ARG2: variants seen among roughly 807,000 people sequenced by gnomAD.
ARG2 encodes arginase-2, mitochondrial.
A neutral mutation model predicts 39.4 loss-of-function variants in ARG2; 21 were observed. The observed-to-expected ratio is 0.53, with a 90% CI of 0.38 to 0.77. The LOEUF (loss-of-function observed/expected upper bound fraction) is 0.77, where lower values mean the gene tolerates loss of function less well. Ranked by LOEUF, ARG2 falls within the 30% of genes least tolerant of loss-of-function variation. The pLI, the probability that ARG2 is intolerant of heterozygous loss-of-function variation, is 0.00. For missense variants in ARG2, 378 were observed against 426.2 expected, an observed-to-expected ratio of 0.89 and a Z score of 1.00; for synonymous variants, 150 against 156.7, an observed-to-expected ratio of 0.96 and a Z score of 0.32.
chr14:67,642,451 G>A (rs2037043853), intron 3 of ARG2, 88 bp downstream of exon 3: 6 of 1,430,784 alleles, frequency 4.2e-6, no homozygotes, highest in Non-Finnish European at 5.7e-6. Flanking sequence ...TCTTCATCTG[G>A]AGAAAAATAC....
chr14:67,627,570 G>T (rs535076318), intron 2 of ARG2, among the ~76,000 whole-genome samples: 1 of 152,260 alleles, frequency 6.6e-6, no homozygotes, highest in Non-Finnish European at 1.5e-5. Flanking sequence ...GCAAATATCA[G>T]TGATGTTTCT....
intron 2 of ARG2, among the ~76,000 whole-genome samples, chr14:67,632,968 C>G (rs1391605262): frequency 6.6e-6 from 1 of 151,520 alleles, no homozygotes; most frequent in East Asian, 1.9e-4. Flanking sequence ...CTACAGGCGC[C>G]CGCCACCACG....
At chr14:67,646,434 GA>G in intron 4 of ARG2, 1 of 528,762 alleles carries the variant, frequency 1.9e-6, no homozygotes, top group Non-Finnish European at 3.4e-6. Flanking sequence ...TTCGTCTTGA[GA>G]AAGCAATACT....
intron 4 of ARG2, among the ~76,000 whole-genome samples, chr14:67,646,254 G>T (rs1274991647): frequency 1.3e-5 from 2 of 152,190 alleles, no homozygotes; most frequent in Non-Finnish European, 2.9e-5. Context: ...TATTCATTGG[G>T]CGGAAGTCCT....
At chr14:67,646,039 C>T (rs897532514) in intron 4 of ARG2, among the ~76,000 whole-genome samples, 4 of 152,156 alleles carry the variant, frequency 2.6e-5, no homozygotes, top group African/African-American at 9.7e-5. Flanking sequence ...GACTGATATA[C>T]CCACAGCCTG....
At chr14:67,637,346 G>A (rs1047805765) in intron 2 of ARG2, among the ~76,000 whole-genome samples, 2 of 146,178 alleles carry the variant, frequency 1.4e-5, no homozygotes, top group African/African-American at 5.0e-5. Context: ...GGGAGGTGGA[G>A]GTTGCAGTGA....
chr14:67,650,274 G>A, intron 7 of ARG2: 1 of 216,900 alleles, frequency 4.6e-6, no homozygotes, highest in East Asian at 1.1e-4. Flanking sequence ...AAGTGGGAAT[G>A]CAGTTTGGCT....
intron 7 of ARG2, chr14:67,649,543 A>G (rs1004348414): frequency 3.3e-5 from 5 of 152,148 alleles, no homozygotes; most frequent in African/African-American, 9.7e-5. Flanking sequence ...AACTTTGATG[A>G]CCACTTCTGG....
intron 2 of ARG2, among the ~76,000 whole-genome samples, chr14:67,627,896 CTTGT>C (rs1376308237): frequency 1.3e-5 from 2 of 152,182 alleles, no homozygotes; most frequent in Non-Finnish European, 2.9e-5. Context: ...TTGGAATGAG[CTTGT>C]TTGTTTAAGG....
intron 2 of ARG2, among the ~76,000 whole-genome samples, chr14:67,621,550 G>A (rs139754536): frequency 0.034 from 5,097 of 151,632 alleles, 248 homozygotes; most frequent in African/African-American, 0.11. Flanking sequence ...CCACCTTCTG[G>A]GTTCAAGCAA....
At chr14:67,630,496 C>A (rs771926619) in intron 2 of ARG2, among the ~76,000 whole-genome samples, 1 of 152,198 alleles carries the variant, frequency 6.6e-6, no homozygotes, top group African/African-American at 2.4e-5. Flanking sequence ...CTGCGGGACA[C>A]GGTTCTGCTT....
chr14:67,625,747 A>G (rs1244484459), intron 2 of ARG2, among the ~76,000 whole-genome samples: 2 of 150,476 alleles, frequency 1.3e-5, no homozygotes, highest in East Asian at 2.2e-4. Flanking sequence ...AAAAAAAAAA[A>G]AGAGAAAAGG....
chr14:67,638,639 G>C (rs1319234123), intron 2 of ARG2, among the ~76,000 whole-genome samples: 1 of 152,068 alleles, frequency 6.6e-6, no homozygotes, highest in Non-Finnish European at 1.5e-5. Flanking sequence ...CGTTCTTCCT[G>C]AATATTCTAG....
Position 67,646,753 on chromosome 14 carries a change from T to A in ARG2, c.617+15T>A. 5 of 1,597,182 alleles carry A rather than the reference T, an allele frequency of 3.1e-6. No individual in the cohort carries two copies. The highest frequency in any genetic ancestry group is 4.3e-6 in the Non-Finnish European group (5 of 1,164,980). The stretch of plus-strand genomic sequence containing the variant: ...CCTCCTGAACAGTAAGTTGATGCAT[T>A]TGGCTGAAGTTTAGGGCCTGTCCTA... On this transcript the variant is annotated intron_variant, in intron 5 of 7. Coordinates refer to ENST00000261783, the MANE Select transcript of ARG2 (RefSeq NM_001172.4).
At chr14:67,622,178 C>G (rs2036817616) in intron 2 of ARG2, among the ~76,000 whole-genome samples, 1 of 152,206 alleles carries the variant, frequency 6.6e-6, no homozygotes, top group South Asian at 2.1e-4. Context: ...GCCATTTGCT[C>G]TGTTCATGTT....
chr14:67,622,089 C>CAAAT (rs894717173), intron 2 of ARG2, among the ~76,000 whole-genome samples: 5 of 152,068 alleles, frequency 3.3e-5, no homozygotes, highest in South Asian at 4.1e-4. Flanking sequence ...GACTCCATCT[C>CAAAT]AAATAAATAA....
chr14:67,637,958 G>A (rs1381328523), intron 2 of ARG2, among the ~76,000 whole-genome samples: 1 of 152,164 alleles, frequency 6.6e-6, no homozygotes, highest in Non-Finnish European at 1.5e-5. Context: ...GAGGAGGTGT[G>A]CTTTCTCAAT....
rs747132941 is a variant in ARG2, at chr14:67,620,022, G to A, written c.45G>A (p.Val15=). The A allele has an allele frequency of 6.8e-5, 109 of 1,611,894 alleles. No homozygotes were observed. The East Asian group carries it at 1.4e-3, about 21-fold the overall frequency. Reference sequence around the variant, plus strand: ...TCTCGCGTCTCCTCCAGACGCGAGTGCATTCCATCCTGAAGAAATCCGTCC... The same window carrying A: ...TCTCGCGTCTCCTCCAGACGCGAGTACATTCCATCCTGAAGAAATCCGTCC... ...GSLSRLLQTR[V]HSILKKSVHS... is the part of the protein sequence containing the mutation. Residue 15 remains valine, a synonymous_variant, in exon 1 of 8, where the codon GTG becomes GTA. Transcript: ENST00000261783.
intron 3 of ARG2, among the ~76,000 whole-genome samples, chr14:67,642,628 T>C (rs1025414441): frequency 2.0e-5 from 3 of 152,112 alleles, no homozygotes; most frequent in Admixed American, 2.0e-4. Flanking sequence ...GCAAGGTTCC[T>C]AGGCACTGTG....
Sources: gnomAD v4.1 joint callset for allele counts (sites outside exome capture counted in the v4.1 genomes callset) on GRCh38, gnomAD v4.1.1 for gene constraint, MANE v1.5 for transcripts, NCBI Gene and HGNC (gene_info 2026-07-23, HGNC 2026-07-21) for gene names.